The following MAPKAP1 variants were observed in gnomAD, a reference collection of about 807,000 sequenced individuals.
The protein encoded by MAPKAP1 is target of rapamycin complex 2 subunit MAPKAP1.
In MAPKAP1, 20 loss-of-function variants were observed where a neutral mutation model predicts 65.7. That is an observed-to-expected ratio of 0.30 (90% confidence interval 0.21 to 0.44). The LOEUF is 0.44. Ranked by LOEUF, MAPKAP1 falls within the 20% of genes least tolerant of loss-of-function variation. MAPKAP1 has a pLI of 1.00. For synonymous variants in MAPKAP1, 222 were observed against 244.3 expected (o/e 0.91, Z 0.85); for missense variants, 423 against 648.0 (o/e 0.65, Z 3.77).
intron 4 of MAPKAP1, among the ~76,000 whole-genome samples, chr9:125,648,667 GCA>G (rs879393704): frequency 6.6e-6 from 1 of 152,132 alleles, no homozygotes; most frequent in African/African-American, 2.4e-5. Flanking sequence ...TCTCAGCTGG[GCA>G]CAGTGGTTCA....
At chr9:125,565,658 T>A in intron 5 of MAPKAP1, 1 of 411,746 alleles carries the variant, frequency 2.4e-6, no homozygotes, top group South Asian at 1.9e-5. Context: ...AAGATTTCCT[T>A]TTCTCCAAAA....
At chr9:125,483,924 C>T (rs1461295448) in intron 9 of MAPKAP1, among the ~76,000 whole-genome samples, 1 of 152,222 alleles carries the variant, frequency 6.6e-6, no homozygotes, top group Non-Finnish European at 1.5e-5. Flanking sequence ...CTTACTATGA[C>T]ACTTTTCCTA....
rs551371399 is a variant in MAPKAP1 at position 125,608,776 on chromosome 9, C to T, written c.499-23049G>A. ...CGGCTGCCTTAACCTTCCAGTAAACCGCTATTTCCACAGAGGATTAAATCA... is the reference window on the plus strand; with the variant it reads ...CGGCTGCCTTAACCTTCCAGTAAACTGCTATTTCCACAGAGGATTAAATCA... On this transcript the variant is annotated intron_variant, in intron 4 of 11. Coordinates refer to ENST00000265960, the MANE Select transcript of MAPKAP1 (RefSeq NM_001006617.3). Among the ~76,000 whole-genome samples the T allele has an allele frequency of 7.9e-5, 12 of 152,238 alleles. No individual in the cohort carries two copies. The East Asian group carries it at 9.6e-4, about 12-fold the overall frequency.
chr9:125,686,070 A>C (rs1057235569), intron 1 of MAPKAP1, among the ~76,000 whole-genome samples: 5 of 152,180 alleles, frequency 3.3e-5, no homozygotes, highest in African/African-American at 1.2e-4. Context: ...TAATCCCAGC[A>C]CTTTGGGAAG....
At chr9:125,661,980 A>C (rs1011610931) in intron 3 of MAPKAP1, among the ~76,000 whole-genome samples, 2 of 152,236 alleles carry the variant, frequency 1.3e-5, no homozygotes, top group Admixed American at 6.5e-5. Context: ...TAACCAAAGT[A>C]GTAGATGGAT....
intron 4 of MAPKAP1, among the ~76,000 whole-genome samples, chr9:125,622,270 A>G (rs1832926089): frequency 6.6e-6 from 1 of 152,186 alleles, no homozygotes; most frequent in South Asian, 2.1e-4. Context: ...CAACATTGTT[A>G]CATTGTTGCA....
At chr9:125,503,880 C>CTTTTTTTTTTTTTTTTTTTTTTTT (rs35867576) in intron 8 of MAPKAP1, among the ~76,000 whole-genome samples, 6 of 66,246 alleles carry the variant, frequency 9.1e-5, no homozygotes, top group East Asian at 6.5e-4. Context: ...CCACGCTTGG[C>CTTTTTTTTTTTTTTTTTTTTTTTT]TTTTTTTTTT....
intron 4 of MAPKAP1, among the ~76,000 whole-genome samples, chr9:125,603,418 AT>A (rs1832361693): frequency 6.6e-6 from 1 of 152,090 alleles, no homozygotes; most frequent in Non-Finnish European, 1.5e-5. Flanking sequence ...GAGCAAGCAC[AT>A]GACATCAACA....
rs766198181 is a variant in MAPKAP1, at chr9:125,439,413, C to G, written c.1444-401G>C. Among the ~76,000 whole-genome samples, 2 of 152,190 alleles carry G rather than the reference C, an allele frequency of 1.3e-5. No individual in the cohort carries two copies. Among genetic ancestry groups the G allele is most frequent in the Non-Finnish European group, 2.9e-5 (2 of 68,028 alleles). The stretch of plus-strand genomic sequence containing the variant: ...AGCCTGCCTTTCCCTGTGTGAAGGC[C>G]GAGAACACAGGGATGAAAAGCAAAC... On this transcript the variant is annotated intron_variant, in intron 11 of 11. Coordinates refer to ENST00000265960, the MANE Select transcript of MAPKAP1 (RefSeq NM_001006617.3). The surrounding 1 kb of genome is among the most constrained non-coding windows in gnomAD (Gnocchi z 4.0).
chr9:125,597,681 T>C (rs1311738029), intron 4 of MAPKAP1, among the ~76,000 whole-genome samples: 1 of 152,218 alleles, frequency 6.6e-6, no homozygotes, highest in African/African-American at 2.4e-5. Context: ...ATTCCATTAG[T>C]AACAACTGCA....
chr9:125,678,070 A>G (rs1834705015), intron 1 of MAPKAP1, among the ~76,000 whole-genome samples: 1 of 151,736 alleles, frequency 6.6e-6, no homozygotes, highest in Non-Finnish European at 1.5e-5. Context: ...GGCTCACACC[A>G]CCATGCCTGG....
chr9:125,629,693 C>T (rs1366999600), intron 4 of MAPKAP1, among the ~76,000 whole-genome samples: 3 of 152,084 alleles, frequency 2.0e-5, no homozygotes, highest in East Asian at 3.9e-4. Flanking sequence ...TTGACAGCAA[C>T]GTACATATAG....
chr9:125,521,585 A>G (rs1829619220), intron 7 of MAPKAP1: 1 of 1,451,508 alleles, frequency 6.9e-7, no homozygotes, highest in Admixed American at 2.9e-5. Context: ...AGGGTGCTAA[A>G]TCACACTGCA....
At chr9:125,488,117 T>G (rs1854559691) in intron 8 of MAPKAP1, among the ~76,000 whole-genome samples, 1 of 152,224 alleles carries the variant, frequency 6.6e-6, no homozygotes. Flanking sequence ...ATTGACCTTC[T>G]ACTCTCTGAT....
intron 5 of MAPKAP1, among the ~76,000 whole-genome samples, chr9:125,574,866 T>C (rs1298926504): frequency 6.6e-6 from 1 of 152,224 alleles, no homozygotes; most frequent in Non-Finnish European, 1.5e-5. Context: ...CCTCATTTTA[T>C]ACATGAGAAA....
intron 11 of MAPKAP1, among the ~76,000 whole-genome samples, chr9:125,441,801 G>A (rs1450353175): frequency 6.6e-6 from 1 of 152,262 alleles, no homozygotes; most frequent in East Asian, 1.9e-4. Context: ...TGCAGGAATG[G>A]TGGATAAAAC....
intron 4 of MAPKAP1, among the ~76,000 whole-genome samples, chr9:125,621,480 A>C (rs1832898044): frequency 6.6e-6 from 1 of 152,196 alleles, no homozygotes; most frequent in East Asian, 1.9e-4. Context: ...TCAGAAGTTC[A>C]TATGAGGATT....
rs191666922 is a variant in MAPKAP1 at position 125,510,785 on chromosome 9, A to C, written c.959-4368T>G. On this transcript the variant is annotated intron_variant, in intron 7 of 11. Transcript: ENST00000265960. ...TTTATAAATCTGCATTTCTCTCCATAATCCTCACCTGAATAGTGGATATTT... is the reference window on the plus strand; with the variant it reads ...TTTATAAATCTGCATTTCTCTCCATCATCCTCACCTGAATAGTGGATATTT... Among the ~76,000 whole-genome samples, 323 of 152,382 alleles carry C rather than the reference A, an allele frequency of 2.1e-3. 2 individuals carry two copies. Among genetic ancestry groups the C allele is most frequent in the African/African-American group, 7.4e-3 (309 of 41,592 alleles).
intron 5 of MAPKAP1, among the ~76,000 whole-genome samples, chr9:125,570,973 C>T (rs140809899): frequency 2.5e-3 from 382 of 151,516 alleles, no homozygotes; most frequent in Non-Finnish European, 3.6e-3. Context: ...TCTTAACTTA[C>T]GGTTAAACAT....
Sources: allele counts gnomAD v4.1 joint callset (sites outside exome capture counted in the v4.1 genomes callset), GRCh38; gene constraint gnomAD v4.1.1; non-coding constraint Gnocchi (gnomAD v3.1); transcripts MANE v1.5; gene names NCBI Gene and HGNC (gene_info 2026-07-23, HGNC 2026-07-21).